GPC6: variants seen among roughly 807,000 people sequenced by gnomAD.
The protein encoded by GPC6 is glypican 6, also known as glypican-6.
GPC6 carries 14 observed loss-of-function variants against 55.2 expected under a neutral mutation model. That is an observed-to-expected ratio of 0.25 (90% CI 0.17 to 0.40). The LOEUF is 0.40. Ranked by LOEUF, GPC6 falls within the 10% of genes least tolerant of loss-of-function variation. GPC6 has a pLI of 1.00. For missense variants in GPC6, 641 were observed against 708.5 expected (o/e 0.90, Z 1.08); for synonymous variants, 278 against 259.6 (o/e 1.07, Z -0.68).
intron 1 of GPC6, among the ~76,000 whole-genome samples, chr13:93,462,681 A>G (rs966889019): frequency 3.3e-5 from 5 of 152,088 alleles, no homozygotes; most frequent in African/African-American, 1.2e-4. Context: ...TGCCAAGAAC[A>G]TATAAATGAA....
At chr13:93,294,766 T>C (rs1322727799) in intron 1 of GPC6, among the ~76,000 whole-genome samples, 3 of 152,178 alleles carry the variant, frequency 2.0e-5, no homozygotes, top group Non-Finnish European at 4.4e-5. Context: ...AATGTAACTA[T>C]GAATGGTCAC....
chr13:93,895,249 T>C (rs1875940389), intron 3 of GPC6, among the ~76,000 whole-genome samples: 1 of 64,422 alleles, frequency 1.6e-5, no homozygotes, highest in African/African-American at 5.3e-5. Flanking sequence ...TATATATATA[T>C]ATATATATAT....
intron 4 of GPC6, among the ~76,000 whole-genome samples, chr13:94,112,460 G>A (rs922883308): frequency 1.3e-5 from 2 of 152,110 alleles, no homozygotes; most frequent in African/African-American, 4.8e-5. Context: ...GATGCAGATG[G>A]TCAAATAACA....
At chr13:93,999,835 C>T (rs564412451) in intron 3 of GPC6, among the ~76,000 whole-genome samples, 5 of 152,046 alleles carry the variant, frequency 3.3e-5, no homozygotes, top group Non-Finnish European at 7.4e-5. Context: ...GTCAGATGTC[C>T]TGGGGTCTGA....
intron 1 of GPC6, among the ~76,000 whole-genome samples, chr13:93,454,888 G>C (rs555469600): frequency 6.6e-6 from 1 of 152,366 alleles, no homozygotes; most frequent in East Asian, 1.9e-4. Context: ...GGAGGGGGTG[G>C]GAGGCTCAGG....
chr13:93,990,949 G>GAAGGAAGGAGAGGAGGAAGGAAGA (rs1881274303), intron 3 of GPC6, among the ~76,000 whole-genome samples: 1 of 149,904 alleles, frequency 6.7e-6, no homozygotes, highest in Admixed American at 6.6e-5. Context: ...AGGAAGGAAG[G>GAAGGAAGGAGAGGAGGAAGGAAGA]AAGGAAGGAA....
At chr13:93,333,250 T>A (rs1952361) in intron 1 of GPC6, among the ~76,000 whole-genome samples, 71,052 of 151,866 alleles carry the variant, frequency 0.47, 18,677 homozygotes, top group East Asian at 0.93. Context: ...TGGTATTTTG[T>A]TAGGGATTGC....
intron 1 of GPC6, among the ~76,000 whole-genome samples, chr13:93,484,176 C>A (rs558977737): frequency 1.8e-4 from 27 of 152,158 alleles, no homozygotes; most frequent in African/African-American, 6.3e-4. Context: ...TTGGGTTATT[C>A]TCTCACTACT....
At chr13:93,980,878 C>G (rs1183274710) in intron 3 of GPC6, among the ~76,000 whole-genome samples, 3 of 152,138 alleles carry the variant, frequency 2.0e-5, no homozygotes, top group Non-Finnish European at 2.9e-5. Flanking sequence ...TGCTTCCTCT[C>G]ACTTGCTTAC....
At chr13:94,007,978 ATTT>A (rs887086200) in intron 3 of GPC6, among the ~76,000 whole-genome samples, 1 of 152,148 alleles carries the variant, frequency 6.6e-6, no homozygotes, top group Non-Finnish European at 1.5e-5. Context: ...ATCTGTTTTT[ATTT>A]TTATGGACTC....
At chr13:94,268,070 G>A (rs1309621300) in intron 4 of GPC6, among the ~76,000 whole-genome samples, 1 of 152,222 alleles carries the variant, frequency 6.6e-6, no homozygotes, top group Non-Finnish European at 1.5e-5. Context: ...TGATTAAGAA[G>A]AATGGAAAAT....
chr13:94,130,985 T>C lies in GPC6; in HGVS notation c.877+103091T>C, dbSNP rs1349542659. On this transcript the variant is annotated intron_variant, in intron 4 of 8. Transcript: ENST00000377047. ...AACTAGACAAGAAACTCCTTAGTTA[T>C]GGGGAATTATATTCTGAATTAATGA... Among the ~76,000 whole-genome samples, 3 of 152,266 alleles carry C rather than the reference T, an allele frequency of 2.0e-5. No homozygotes were observed. The East Asian group carries it at 5.8e-4, about 29-fold the overall frequency.
chr13:93,227,432 C>A lies in GPC6; in HGVS notation c.-25C>A, dbSNP rs748552850. The A allele has an allele frequency of 1.5e-5, 24 of 1,612,408 alleles. No homozygotes were observed. Among genetic ancestry groups the A allele is most frequent in the Non-Finnish European group, 1.6e-5 (19 of 1,178,830 alleles). ...AAGAGCGCACCGGCCGTGGGGTTTA[C>A]CGAGCTGGATTTGTATGTTGCACCA... On this transcript the variant is annotated 5_prime_UTR_variant, in exon 1 of 9. Coordinates refer to ENST00000377047, the MANE Select transcript of GPC6 (RefSeq NM_005708.5). The surrounding 1 kb of genome is among the most constrained non-coding windows in gnomAD (Gnocchi z 4.3).
intron 1 of GPC6, among the ~76,000 whole-genome samples, chr13:93,543,761 G>A (rs1313297864): frequency 6.6e-6 from 1 of 152,030 alleles, no homozygotes; most frequent in Non-Finnish European, 1.5e-5. Flanking sequence ...CTTGGCTATT[G>A]TGCGTAGTGT....
At chr13:94,099,794 A>G (rs1290930480) in intron 4 of GPC6, among the ~76,000 whole-genome samples, 1 of 152,168 alleles carries the variant, frequency 6.6e-6, no homozygotes, top group East Asian at 1.9e-4. Flanking sequence ...GTGGCTTAGA[A>G]CATATTTGTG....
intron 2 of GPC6, among the ~76,000 whole-genome samples, chr13:93,619,692 C>T (rs1488764186): frequency 6.6e-6 from 1 of 152,094 alleles, no homozygotes; most frequent in African/African-American, 2.4e-5. Context: ...GTGTTCCACC[C>T]TCCTCAAACT....
intron 6 of GPC6, among the ~76,000 whole-genome samples, chr13:94,351,962 CAAAAAAAAAAAAAA>C (rs60206836): frequency 2.0e-5 from 2 of 101,550 alleles, no homozygotes; most frequent in African/African-American, 8.5e-5. Flanking sequence ...GAGAAGAAGG[CAAAAAAAAAAAAAA>C]AAAAAAGAAA....
At chr13:93,670,375 T>A (rs746698583) in intron 2 of GPC6, among the ~76,000 whole-genome samples, 104 of 152,296 alleles carry the variant, frequency 6.8e-4, no homozygotes, top group Non-Finnish European at 1.3e-3. Flanking sequence ...ATACTACTTT[T>A]AAAAACACTT....
intron 3 of GPC6, among the ~76,000 whole-genome samples, chr13:93,940,345 A>G (rs965522190): frequency 6.6e-6 from 1 of 151,962 alleles, no homozygotes; most frequent in Non-Finnish European, 1.5e-5. Context: ...TAACCTCTAC[A>G]GAGAAGGTAC....
Sources: gnomAD v4.1 joint callset for allele counts (sites outside exome capture counted in the v4.1 genomes callset) on GRCh38, gnomAD v4.1.1 for gene constraint, Gnocchi (gnomAD v3.1) non-coding constraint, MANE v1.5 for transcripts, NCBI Gene and HGNC (gene_info 2026-07-23, HGNC 2026-07-21) for gene names.